The following LRRTM4 variants were observed in gnomAD, a reference collection of about 807,000 sequenced individuals.
The protein encoded by LRRTM4 is leucine-rich repeat transmembrane neuronal protein 4.
Under a neutral mutation model 47.6 loss-of-function variants are expected in LRRTM4, and 25 were observed. The observed-to-expected ratio is 0.53, with a 90% CI of 0.38 to 0.73. The LOEUF (loss-of-function observed/expected upper bound fraction) is 0.73. LRRTM4 is among the 30% of genes least tolerant of loss of function. The pLI is 0.00. For synonymous variants in LRRTM4, 311 were observed against 269.5 expected (o/e 1.15, Z -1.51); for missense variants, 638 against 713.4 (o/e 0.89, Z 1.20).
chr2:76,977,576 C>G (rs974384864), intron 3 of LRRTM4, among the ~76,000 whole-genome samples: 12 of 151,736 alleles, frequency 7.9e-5, no homozygotes. Context: ...AAAGTTACCT[C>G]TCAATGCCCA....
At chr2:77,360,300 A>G (rs1040992984) in intron 3 of LRRTM4, among the ~76,000 whole-genome samples, 2 of 152,024 alleles carry the variant, frequency 1.3e-5, no homozygotes, top group African/African-American at 4.8e-5. Context: ...TACTAAAAAT[A>G]CAAAAAATTA....
chr2:77,204,543 G>A (rs1674066506), intron 3 of LRRTM4, among the ~76,000 whole-genome samples: 1 of 152,110 alleles, frequency 6.6e-6, no homozygotes, highest in Admixed American at 6.6e-5. Flanking sequence ...CCTGACTAAT[G>A]CCTATGTATC....
chr2:76,788,307 C>T (rs1196426186), intron 3 of LRRTM4, among the ~76,000 whole-genome samples: 1 of 152,162 alleles, frequency 6.6e-6, no homozygotes, highest in East Asian at 1.9e-4. Flanking sequence ...GAAAAGGAGT[C>T]ACATAGTCAC....
intron 3 of LRRTM4, among the ~76,000 whole-genome samples, chr2:76,764,419 C>G (rs1673374582): frequency 1.3e-5 from 2 of 152,116 alleles, no homozygotes; most frequent in Admixed American, 1.3e-4. Context: ...ATCACGTGGT[C>G]AGGAGATCGA....
At chr2:77,453,176 ATTTTTTTTTTTT>A in intron 3 of LRRTM4, among the ~76,000 whole-genome samples, 1 of 99,534 alleles carries the variant, frequency 1.0e-5, no homozygotes, top group South Asian at 3.6e-4. Context: ...TTTCTTCTTG[ATTTTTTTTTTTT>A]TTTTTTTTTT....
chr2:77,335,241 A>G (rs1246374593), intron 3 of LRRTM4, among the ~76,000 whole-genome samples: 1 of 152,192 alleles, frequency 6.6e-6, no homozygotes, highest in Non-Finnish European at 1.5e-5. Context: ...ATCACTTCCC[A>G]CTTAAGCATA....
chr2:77,128,080 T>C (rs892600133), intron 3 of LRRTM4, among the ~76,000 whole-genome samples: 14 of 151,544 alleles, frequency 9.2e-5, no homozygotes, highest in African/African-American at 3.4e-4. Context: ...GAGGCAGAGG[T>C]TGCAGTGAGC....
At chr2:77,209,113 G>A (rs539231990) in intron 3 of LRRTM4, among the ~76,000 whole-genome samples, 1 of 152,156 alleles carries the variant, frequency 6.6e-6, no homozygotes, top group Non-Finnish European at 1.5e-5. Flanking sequence ...CAATTTCCGA[G>A]AGGACTTAAG....
At chr2:76,775,425 C>A (rs10188955) in intron 3 of LRRTM4, among the ~76,000 whole-genome samples, 13,261 of 152,144 alleles carry the variant, frequency 0.087, 884 homozygotes, top group East Asian at 0.28. Flanking sequence ...GTGCTGAACT[C>A]ATGAGGCTCT....
intron 3 of LRRTM4, among the ~76,000 whole-genome samples, chr2:77,384,052 GC>G (rs371519347): frequency 1.3e-5 from 2 of 152,094 alleles, no homozygotes; most frequent in East Asian, 3.9e-4. Flanking sequence ...CTTAATATTT[GC>G]CTTTTGTTAA....
At chr2:76,899,206 A>T (rs1673529988) in intron 3 of LRRTM4, among the ~76,000 whole-genome samples, 1 of 151,828 alleles carries the variant, frequency 6.6e-6, no homozygotes, top group Non-Finnish European at 1.5e-5. Flanking sequence ...TTATTCAACA[A>T]ATATATATAG....
At chr2:76,891,554 A>G (rs1673254954) in intron 3 of LRRTM4, among the ~76,000 whole-genome samples, 3 of 151,786 alleles carry the variant, frequency 2.0e-5, no homozygotes, top group African/African-American at 4.8e-5. Flanking sequence ...TTTAAAATTT[A>G]TACAAAAAAA....
intron 3 of LRRTM4, among the ~76,000 whole-genome samples, chr2:76,847,036 T>G (rs549919507): frequency 6.6e-6 from 1 of 152,298 alleles, no homozygotes; most frequent in African/African-American, 2.4e-5. Flanking sequence ...AACAGGTATG[T>G]ATTTATTAGA....
At chr2:76,749,259 T>C (rs1672763018) in intron 3 of LRRTM4, among the ~76,000 whole-genome samples, 2 of 152,082 alleles carry the variant, frequency 1.3e-5, no homozygotes, top group African/African-American at 4.8e-5. Context: ...ATGTAGATCT[T>C]AACAATATAG....
chr2:77,376,035 T>C (rs1206894094), intron 3 of LRRTM4, among the ~76,000 whole-genome samples: 1 of 151,830 alleles, frequency 6.6e-6, no homozygotes, highest in Non-Finnish European at 1.5e-5. Context: ...GCTATATCTG[T>C]TCCTAGAAAA....
chr2:77,051,704 G>C (rs1432373804), intron 3 of LRRTM4, among the ~76,000 whole-genome samples: 2 of 152,230 alleles, frequency 1.3e-5, no homozygotes, highest in South Asian at 4.1e-4. Context: ...GTAAAACCAG[G>C]TTTTGTGTAG....
intron 3 of LRRTM4, among the ~76,000 whole-genome samples, chr2:77,339,398 C>CT (rs1671287022): frequency 6.6e-6 from 1 of 152,034 alleles, no homozygotes; most frequent in South Asian, 2.1e-4. Context: ...TTTAGGACGA[C>CT]TTTTTTTCTT....
chr2:76,916,384 C>CAAAAAAAAAAAAAAAAAAAAAAA (rs57874749), intron 3 of LRRTM4, among the ~76,000 whole-genome samples: 7 of 53,498 alleles, frequency 1.3e-4, no homozygotes, highest in Admixed American at 4.9e-4. Context: ...GACTGTGTCT[C>CAAAAAAAAAAAAAAAAAAAAAAA]AAAAAAAAAA....
At position 77,042,583 on chromosome 2, in the gene LRRTM4, T is replaced by C. The variant is rs1679072135; in HGVS notation, c.1552-293667A>G. On this transcript the variant is annotated intron_variant, in intron 3 of 3. Transcript: ENST00000409884. ...AGTCTAGAATAGAATATGGGGTCTA[T>C]TTTTGTACAGGAATAAAATAGAAGT... Among the ~76,000 whole-genome samples, 3 of 150,770 alleles carry C rather than the reference T, an allele frequency of 2.0e-5. 1 individual carries two copies. The highest frequency in any genetic ancestry group is 4.1e-4 in the South Asian group (2 of 4,824).
Sources: gnomAD v4.1 joint callset for allele counts (sites outside exome capture counted in the v4.1 genomes callset) on GRCh38, gnomAD v4.1.1 for gene constraint, MANE v1.5 for transcripts, NCBI Gene and HGNC (gene_info 2026-07-23, HGNC 2026-07-21) for gene names.